The following ACBD5 variants were observed in gnomAD, a reference collection of about 807,000 sequenced individuals.
ACBD5 encodes the protein acyl-CoA binding domain containing 5, also known as acyl-CoA-binding domain-containing protein 5.
Under a neutral mutation model 71.8 loss-of-function variants are expected in ACBD5, and 40 were observed. That is an observed-to-expected ratio of 0.56 (90% CI 0.43 to 0.72). The LOEUF is 0.72. ACBD5 is among the 30% of genes least tolerant of loss of function. ACBD5 has a pLI of 0.00. For missense variants in ACBD5, 559 were observed against 644.5 expected (o/e 0.87, Z 1.44); for synonymous variants, 229 against 218.6 (o/e 1.05, Z -0.42).
chr10:27,216,868 C>T (rs531624897), intron 7 of ACBD5, among the ~76,000 whole-genome samples: 1 of 151,992 alleles, frequency 6.6e-6, no homozygotes, highest in Non-Finnish European at 1.5e-5. Flanking sequence ...GTTTCTTGGC[C>T]GGGCACTGTG....
chr10:27,218,588 G>GTT (rs11347518), intron 6 of ACBD5, among the ~76,000 whole-genome samples: 3 of 142,950 alleles, frequency 2.1e-5, no homozygotes, highest in Admixed American at 7.0e-5. Flanking sequence ...AAGTTACACA[G>GTT]TTTTTTTTTT....
intron 7 of ACBD5, 42 bp from the exon 8 acceptor site, chr10:27,215,683 G>C (rs754447695): frequency 7.0e-7 from 1 of 1,418,688 alleles, no homozygotes; most frequent in Non-Finnish European, 9.9e-7. Context: ...TTATACTATA[G>C]TAGAAGAAAA....
Position 27,240,350 on chromosome 10 carries a change from G to A in ACBD5, c.150C>T (p.Ala50=). The change falls in exon 2 of 13, where the codon GCC becomes GCT. Residue 50 remains alanine, a synonymous_variant. Coordinates refer to ENST00000396271, the MANE Select transcript of ACBD5 (RefSeq NM_145698.5). The surrounding 1 kb of genome is among the most constrained non-coding windows in gnomAD (Gnocchi z 4.1). ...RSVHETRFEA[A]VKVIQSLPKN... ...TCGGCAAACTCTGGATCACCTTCAC[G>A]GCCGCCTCAAACCTAGTCTCGTGCA... The A allele has an allele frequency of 6.2e-7, 1 of 1,613,986 alleles. No homozygotes were observed. The highest frequency in any genetic ancestry group is 8.5e-7 in the Non-Finnish European group (1 of 1,180,002).
intron 4 of ACBD5, among the ~76,000 whole-genome samples, chr10:27,224,083 C>T (rs767014579): frequency 9.3e-5 from 14 of 150,946 alleles, no homozygotes; most frequent in Admixed American, 4.0e-4. Flanking sequence ...AGCTAGGGGG[C>T]GCAGTGCAAT....
At chr10:27,201,308 CTG>C (rs1189038559) in intron 12 of ACBD5, among the ~76,000 whole-genome samples, 1 of 152,202 alleles carries the variant, frequency 6.6e-6, no homozygotes, top group Non-Finnish European at 1.5e-5. Flanking sequence ...CCACAGGAGA[CTG>C]TTCAGGGCCT....
rs1157168221 is a variant in ACBD5 at position 27,215,767 on chromosome 10, T to G, written c.830-126A>C. 3 of 665,498 alleles carry G rather than the reference T, an allele frequency of 4.5e-6. No individual in the cohort carries two copies. In the African/African-American group the frequency reaches 5.4e-5, roughly 12 times the overall value. 41.2% of individuals were successfully genotyped at this position (665,498 alleles called of 1,614,324 possible). ...CAGGCTGGAGTGCAGTGGTGTGATCTCGGCTCACTGCAACTTCTACCTCTC... is the reference window on the plus strand; with the variant it reads ...CAGGCTGGAGTGCAGTGGTGTGATCGCGGCTCACTGCAACTTCTACCTCTC... On this transcript the variant is annotated intron_variant, in intron 7 of 12. Coordinates refer to ENST00000396271, the MANE Select transcript of ACBD5 (RefSeq NM_145698.5).
intron 13 of ACBD5, among the ~76,000 whole-genome samples, chr10:27,188,804 T>A (rs2058926830): frequency 6.6e-6 from 1 of 151,900 alleles, no homozygotes; most frequent in African/African-American, 2.4e-5. Context: ...GAAAGAACAA[T>A]GGGAAAAAGG....
upstream of ACBD5, chr10:27,241,962 T>C (rs1377471661): frequency 3.7e-5 from 16 of 429,376 alleles, no homozygotes; most frequent in Admixed American, 3.9e-4. Flanking sequence ...AGAGTCGTTT[T>C]TGTCAGTTAG....
chr10:27,221,936 A>G (rs912251576), intron 5 of ACBD5, among the ~76,000 whole-genome samples: 1 of 147,788 alleles, frequency 6.8e-6, no homozygotes, highest in Non-Finnish European at 1.5e-5. Context: ...AAAAAAAAAA[A>G]AAAGAAAAGA....
At chr10:27,235,011 A>G (rs957157399) in intron 3 of ACBD5, 81 bp downstream of exon 3, 7 of 1,398,478 alleles carry the variant, frequency 5.0e-6, no homozygotes, top group African/African-American at 1.4e-5. Flanking sequence ...ACAGAATAAT[A>G]TATAACCACT....
chr10:27,185,618 CAAAAAAAA>C (rs34847161), intron 13 of ACBD5, among the ~76,000 whole-genome samples: 1 of 98,584 alleles, frequency 1.0e-5, no homozygotes, highest in Admixed American at 1.2e-4. Flanking sequence ...AGGTGACAGA[CAAAAAAAA>C]AAAAAAAAAA....
chr10:27,211,836 C>T (rs1231296770), intron 8 of ACBD5, among the ~76,000 whole-genome samples: 2 of 152,008 alleles, frequency 1.3e-5, no homozygotes, highest in Non-Finnish European at 2.9e-5. Context: ...ATTAACTGGA[C>T]TTGATGAAGG....
chr10:27,193,853 C>A (rs1156260427), downstream of ACBD5, among the ~76,000 whole-genome samples: 2 of 152,152 alleles, frequency 1.3e-5, no homozygotes, highest in Non-Finnish European at 2.9e-5. Context: ...CTTGGTCAAG[C>A]CACCACAGCT....
intron 12 of ACBD5, among the ~76,000 whole-genome samples, chr10:27,201,318 C>T (rs912635813): frequency 2.0e-5 from 3 of 152,100 alleles, no homozygotes; most frequent in African/African-American, 7.2e-5. Context: ...CTGTTCAGGG[C>T]CTATTTCTGA....
intron 13 of ACBD5, among the ~76,000 whole-genome samples, chr10:27,187,196 A>G (rs1292730663): frequency 6.6e-6 from 1 of 152,200 alleles, no homozygotes; most frequent in Admixed American, 6.5e-5. Context: ...GCTACTCTGG[A>G]GGCTGAGGCA....
At chr10:27,197,710 A>G (rs1238550279) in intron 12 of ACBD5, among the ~76,000 whole-genome samples, 2 of 152,168 alleles carry the variant, frequency 1.3e-5, no homozygotes, top group Admixed American at 1.3e-4. Flanking sequence ...CAATGGTGCC[A>G]TCTTGGCTCA....
At chr10:27,228,513 G>A (rs2063375634) in intron 4 of ACBD5, among the ~76,000 whole-genome samples, 2 of 151,570 alleles carry the variant, frequency 1.3e-5, no homozygotes, top group South Asian at 2.1e-4. Context: ...GGAGGCGGAC[G>A]TTGCAGTGAG....
chr10:27,208,329 C>T lies in ACBD5; in HGVS notation c.1321G>A (p.Ala441Thr), dbSNP rs749212781. ...GSRGSLNEQI[A>T]LVLMRLQEDM... ...TCCTGCAGTCTCATCAGCACGAGGG[C>T]GATCTGCTCATTGAGGCTGCCTCGG... is the stretch of plus-strand genomic sequence containing the variant. The change falls in exon 10 of 13, where the codon GCC (alanine) becomes ACC (threonine). Residue 441 changes from alanine to threonine, a missense_variant. Physicochemically the swap from Ala to Thr is moderately conservative, Grantham distance 58 (BLOSUM62 0). Transcript: ENST00000396271. The T allele has an allele frequency of 4.7e-5, 76 of 1,614,056 alleles. No individual in the cohort carries two copies. The highest frequency in any genetic ancestry group is 6.3e-5 in the Non-Finnish European group (74 of 1,180,044).
intron 12 of ACBD5, among the ~76,000 whole-genome samples, chr10:27,201,034 C>T (rs1588987356): frequency 6.6e-6 from 1 of 152,146 alleles, no homozygotes; most frequent in East Asian, 1.9e-4. Flanking sequence ...TAGTTGACAC[C>T]TGCCTATAGT....
Sources: gnomAD v4.1 joint callset for allele counts (sites outside exome capture counted in the v4.1 genomes callset) on GRCh38, gnomAD v4.1.1 for gene constraint, Gnocchi (gnomAD v3.1) non-coding constraint, MANE v1.5 for transcripts, NCBI Gene and HGNC (gene_info 2026-07-23, HGNC 2026-07-21) for gene names.